MPP7: variants seen among roughly 807,000 people sequenced by gnomAD.
The protein encoded by MPP7 is MAGUK p55 scaffold protein 7.
MPP7 carries 60 observed loss-of-function variants against 76.5 expected under a neutral mutation model. That is an observed-to-expected ratio of 0.78 (90% CI 0.64 to 0.97). The LOEUF (loss-of-function observed/expected upper bound fraction) is 0.97, where lower values mean the gene tolerates loss of function less well. Ranked by LOEUF, MPP7 falls within the 50% of genes least tolerant of loss-of-function variation. The probability of loss-of-function intolerance (pLI) is 0.00; values close to 1 mark genes in which losing one functional copy is unlikely to be tolerated. For missense variants in MPP7, 641 were observed against 694.0 expected, an observed-to-expected ratio of 0.92 and a Z score of 0.86; for synonymous variants, 237 against 244.5, an observed-to-expected ratio of 0.97 and a Z score of 0.29.
chr10:28,163,457 T>C (rs1295934448), intron 3 of MPP7, among the ~76,000 whole-genome samples: 4 of 152,338 alleles, frequency 2.6e-5, no homozygotes, highest in South Asian at 4.1e-4. Flanking sequence ...TCTTGCTCAC[T>C]TTTTATTTAT....
intron 5 of MPP7, among the ~76,000 whole-genome samples, chr10:28,141,394 G>A (rs1262973405): frequency 6.6e-6 from 1 of 151,730 alleles, no homozygotes; most frequent in Non-Finnish European, 1.5e-5. Context: ...AAGGTAACGG[G>A]GGAAATTATC....
intron 5 of MPP7, among the ~76,000 whole-genome samples, chr10:28,146,935 A>G (rs975220325): frequency 6.6e-6 from 1 of 152,188 alleles, no homozygotes; most frequent in Non-Finnish European, 1.5e-5. Flanking sequence ...TAAGTGATAA[A>G]CTTAGGAGGC....
intron 13 of MPP7, among the ~76,000 whole-genome samples, chr10:28,066,588 T>C (rs1373474837): frequency 6.6e-6 from 1 of 152,158 alleles, no homozygotes; most frequent in Non-Finnish European, 1.5e-5. Context: ...CAATAACTGA[T>C]ATATATACAC....
chr10:28,120,403 T>A lies in MPP7; in HGVS notation c.691-13A>T. The A allele has an allele frequency of 6.2e-7, 1 of 1,603,008 alleles. No homozygotes were observed. The highest frequency in any genetic ancestry group is 2.2e-5 in the East Asian group (1 of 44,770). ...CTTTGATAAACATCTGGAAGAAAAGTTTCATTAAAGATGAATAAAGATAAA... is the reference window on the plus strand; with the variant it reads ...CTTTGATAAACATCTGGAAGAAAAGATTCATTAAAGATGAATAAAGATAAA... On this transcript the variant is annotated splice_polypyrimidine_tract_variant and intron_variant, in intron 9 of 16. Coordinates refer to ENST00000683449, the MANE Select transcript of MPP7 (RefSeq NM_001318170.2).
chr10:28,105,657 G>A (rs1452876143), intron 11 of MPP7, among the ~76,000 whole-genome samples: 13 of 152,052 alleles, frequency 8.5e-5, no homozygotes, highest in Admixed American at 4.6e-4. Flanking sequence ...ACAGGTGTGC[G>A]CCACTATGCC....
chr10:28,266,032 T>C (rs1840139792), intron 1 of MPP7, among the ~76,000 whole-genome samples: 1 of 152,120 alleles, frequency 6.6e-6, no homozygotes, highest in Admixed American at 6.5e-5. Context: ...CTCAGGAGGC[T>C]CACTGCAACC....
chr10:28,165,308 T>G (rs990814294), intron 3 of MPP7, among the ~76,000 whole-genome samples: 3 of 152,108 alleles, frequency 2.0e-5, no homozygotes, highest in African/African-American at 7.2e-5. Flanking sequence ...GAGGATCAGT[T>G]GAGGCCAGTT....
chr10:28,092,762 A>G (rs1160494588), intron 11 of MPP7, among the ~76,000 whole-genome samples: 1 of 40,006 alleles, frequency 2.5e-5, no homozygotes, highest in Non-Finnish European at 4.2e-5. Flanking sequence ...TTTTTTTTTG[A>G]AGAGATAAGG....
chr10:28,328,218 C>A (rs147636468), intron 2 of MPP7, among the ~76,000 whole-genome samples: 1 of 152,060 alleles, frequency 6.6e-6, no homozygotes, highest in African/African-American at 2.4e-5. Flanking sequence ...TACCTACATG[C>A]GAAGGTTCAA....
intron 2 of MPP7, among the ~76,000 whole-genome samples, chr10:28,208,073 AAGG>A (rs1163916288): frequency 3.3e-5 from 5 of 152,154 alleles, no homozygotes; most frequent in Non-Finnish European, 7.4e-5. Context: ...CCTAGGACTG[AAGG>A]AGATTTTTTC....
intron 3 of MPP7, among the ~76,000 whole-genome samples, chr10:28,198,436 C>A (rs1398577626): frequency 1.3e-5 from 2 of 151,844 alleles, no homozygotes; most frequent in Admixed American, 1.3e-4. Flanking sequence ...TTAGCCGGGA[C>A]TGGTGACAGA....
chr10:28,113,793 T>A (rs966046587), intron 11 of MPP7, among the ~76,000 whole-genome samples: 1 of 152,194 alleles, frequency 6.6e-6, no homozygotes, highest in African/African-American at 2.4e-5. Flanking sequence ...GGCTCGAGTC[T>A]GAGTTTTTAA....
rs1178919279 is a variant in MPP7, at chr10:28,274,379, A to G, written c.-132+28482T>C. On this transcript the variant is annotated intron_variant, in intron 1 of 16. Coordinates refer to ENST00000683449, the MANE Select transcript of MPP7 (RefSeq NM_001318170.2). The stretch of plus-strand genomic sequence containing the variant: ...CTCCCAAAGTGCTGGGATTACAGGC[A>G]TAAGCCACCGCGCCCGGCCAAAATT... Among the ~76,000 whole-genome samples the G allele has an allele frequency of 5.3e-5, 8 of 151,702 alleles. No homozygotes were observed. The South Asian group carries it at 1.7e-3, about 32-fold the overall frequency.
Position 28,252,142 on chromosome 10 carries a change from G to A in MPP7, c.-131-13407C>T, listed in dbSNP as rs188425082. 7.2e-5 allele frequency among the ~76,000 whole-genome samples: 11 copies of A among 152,276 alleles called. No homozygotes were observed. In the East Asian group the frequency reaches 1.9e-3, roughly 27 times the overall value. On this transcript the variant is annotated intron_variant, in intron 1 of 16. Coordinates refer to ENST00000683449, the MANE Select transcript of MPP7 (RefSeq NM_001318170.2). ...CTTATACATTGCTTAGTTATCAAAT[G>A]CTTATCAAACTCCTGTGATTAGCAA...
upstream of MPP7, chr10:28,307,552 G>A (rs1841265875): frequency 6.6e-6 from 1 of 152,186 alleles, no homozygotes; most frequent in African/African-American, 2.4e-5. Flanking sequence ...CCCTTCCACA[G>A]GCATTCCGTA....
intron 1 of MPP7, among the ~76,000 whole-genome samples, chr10:28,295,971 C>T (rs553350875): frequency 1.3e-5 from 2 of 152,234 alleles, no homozygotes; most frequent in Admixed American, 1.3e-4. Flanking sequence ...CTTCCATAAG[C>T]CAAATAACTC....
chr10:28,259,576 G>C (rs943526339), intron 1 of MPP7, among the ~76,000 whole-genome samples: 1 of 146,124 alleles, frequency 6.8e-6, no homozygotes, highest in Non-Finnish European at 1.5e-5. Flanking sequence ...GACAGAGAGA[G>C]ACTCCATCAA....
At chr10:28,314,096 T>C (rs571402507) in intron 2 of MPP7, among the ~76,000 whole-genome samples, 127 of 152,264 alleles carry the variant, frequency 8.3e-4, no homozygotes, top group Non-Finnish European at 1.5e-3. Context: ...TCCACACTAT[T>C]TGATTTTTCT....
intron 1 of MPP7, among the ~76,000 whole-genome samples, chr10:28,298,016 G>C (rs1841073991): frequency 6.6e-6 from 1 of 152,070 alleles, no homozygotes. Flanking sequence ...ATATTTTCAG[G>C]GTCTACTTCT....
Sources: allele counts gnomAD v4.1 joint callset (sites outside exome capture counted in the v4.1 genomes callset), GRCh38; gene constraint gnomAD v4.1.1; transcripts MANE v1.5; gene names NCBI Gene and HGNC (gene_info 2026-07-23, HGNC 2026-07-21).